CEP44: variants seen among roughly 807,000 people sequenced by gnomAD.
The protein encoded by CEP44 is centrosomal protein of 44 kDa.
In CEP44, 45 loss-of-function variants were observed where a neutral mutation model predicts 46.7. That is an observed-to-expected ratio of 0.96 (90% CI 0.76 to 1.24). The LOEUF is 1.24. CEP44 is among the 50% of genes most tolerant of loss of function. The pLI is 0.00. For synonymous variants in CEP44, 142 were observed against 146.0 expected (o/e 0.97, Z 0.20); for missense variants, 475 against 459.7 (o/e 1.03, Z -0.30).
intron 6 of CEP44, among the ~76,000 whole-genome samples, chr4:174,306,576 A>G (rs1024599826): frequency 1.3e-5 from 2 of 152,098 alleles, no homozygotes; most frequent in Non-Finnish European, 2.9e-5. Context: ...TTTTATCATC[A>G]CACATAAATT....
In CEP44 at chr4:174,329,423, A is replaced by G. The variant is rs1383776743; in HGVS notation, c.1087-2059A>G. ...TTGTTAGCACTTTCCCTCTTAGTACAGTTTTAAGTTGGTTTTACATTGTAA... is the reference window on the plus strand; with the variant it reads ...TTGTTAGCACTTTCCCTCTTAGTACGGTTTTAAGTTGGTTTTACATTGTAA... On this transcript the variant is annotated intron_variant, in intron 8 of 8. Coordinates refer to the CEP44 transcript ENST00000426172. This position sits in a 1 kb window ranked among gnomAD's most constrained non-coding sequence, Gnocchi z 4.0. 6.6e-6 allele frequency among the ~76,000 whole-genome samples: 1 copy of G among 152,148 alleles called. No homozygotes were observed. The highest frequency in any genetic ancestry group is 1.5e-5 in the Non-Finnish European group (1 of 68,022).
In CEP44 at chr4:174,319,410, G is replaced by T. The variant is rs1318408141; in HGVS notation, c.*2027G>T. 1 of 984,088 alleles carries T rather than the reference G, an allele frequency of 1.0e-6. No individual in the cohort carries two copies. The highest frequency in any genetic ancestry group is 1.2e-6 in the Non-Finnish European group (1 of 828,784). 61.0% of individuals were successfully genotyped at this position (984,088 alleles called of 1,614,324 possible). ...TATTTTACCTTTTGTTAAAACAAGT[G>T]ATTTCCCATCAAACAGGATAATATT... is the stretch of plus-strand genomic sequence containing the variant. On this transcript the variant is annotated 3_prime_UTR_variant, in exon 12 of 12. Coordinates refer to ENST00000503780, the MANE Select transcript of CEP44 (RefSeq NM_001040157.3).
At position 174,287,870 on chromosome 4, in the gene CEP44, A is replaced by G. The variant is rs1397717125; in HGVS notation, c.-148+3927A>G. On this transcript the variant is annotated intron_variant, in intron 1 of 11. Coordinates refer to ENST00000503780, the MANE Select transcript of CEP44 (RefSeq NM_001040157.3). This position sits in a 1 kb window ranked among gnomAD's most constrained non-coding sequence, Gnocchi z 5.1. ...GTAGAGCTAGTAATACCAGGTATAG[A>G]CAAGAATGTAGTATTTAAAGCTAAT... is the stretch of plus-strand genomic sequence containing the variant. Among the ~76,000 whole-genome samples, 2 of 152,226 alleles carry G rather than the reference A, an allele frequency of 1.3e-5. No individual in the cohort carries two copies. The highest frequency in any genetic ancestry group is 6.5e-5 in the Admixed American group (1 of 15,288).
intron 8 of CEP44, among the ~76,000 whole-genome samples, chr4:174,328,955 TTTTTC>T (rs1731162659): frequency 6.6e-6 from 1 of 151,984 alleles, no homozygotes; most frequent in Admixed American, 6.6e-5. Context: ...CCTTTTCTTT[TTTTTC>T]TTTTAAGACA....
In CEP44 at chr4:174,317,927, G is replaced by A; in HGVS notation, c.*544G>A. 1.0e-6 allele frequency: 1 copy of A among 985,416 alleles called. No homozygotes were observed. Among genetic ancestry groups the A allele is most frequent in the South Asian group, 4.7e-5 (1 of 21,284 alleles). The allele number at this position is 985,416 out of a possible 1,614,324, so 61.0% of individuals were successfully genotyped here. On this transcript the variant is annotated 3_prime_UTR_variant, in exon 12 of 12. Transcript: ENST00000503780. Reference sequence around the variant, plus strand: ...TCAATACCTTTCCAATTAACACTGAGAAATTAAGGTTAAGATTCTCCTTTT... The same window carrying A: ...TCAATACCTTTCCAATTAACACTGAAAAATTAAGGTTAAGATTCTCCTTTT...
chr4:174,332,378 C>T (rs1337305466), exon 9 of CEP44: 1 of 152,222 alleles, frequency 6.6e-6, no homozygotes, highest in African/African-American at 2.4e-5. Flanking sequence ...CATTCTCTGA[C>T]CATGCAACAC....
At chr4:174,294,596 C>A (rs1738637994) in intron 1 of CEP44, among the ~76,000 whole-genome samples, 1 of 151,936 alleles carries the variant, frequency 6.6e-6, no homozygotes, top group Non-Finnish European at 1.5e-5. Context: ...GGCAGAGGGG[C>A]TCCTCACTTC....
At chr4:174,291,658 C>T (rs918576562) in intron 1 of CEP44, among the ~76,000 whole-genome samples, 1 of 151,658 alleles carries the variant, frequency 6.6e-6, no homozygotes, top group Non-Finnish European at 1.5e-5. Context: ...GGTTTAGTAT[C>T]TTTTCAGTTA....
chr4:174,315,610 G>A (rs948716381), intron 9 of CEP44, among the ~76,000 whole-genome samples: 1 of 151,900 alleles, frequency 6.6e-6, no homozygotes, highest in African/African-American at 2.4e-5. Context: ...ACAAATTCAT[G>A]GATACTAATT....
At chr4:174,300,428 G>T (rs1339472509) in intron 3 of CEP44, among the ~76,000 whole-genome samples, 1 of 152,048 alleles carries the variant, frequency 6.6e-6, no homozygotes, top group Non-Finnish European at 1.5e-5. Context: ...TAACCAGTTT[G>T]AGTAGCCAAG....
intron 6 of CEP44, among the ~76,000 whole-genome samples, chr4:174,306,950 A>G (rs571654528): frequency 2.0e-5 from 3 of 152,184 alleles, no homozygotes; most frequent in Admixed American, 6.6e-5. Flanking sequence ...CCATTGCTCA[A>G]AGAAATCAGA....
In CEP44 at chr4:174,329,582, C is replaced by A. The variant is rs150745594; in HGVS notation, c.1087-1900C>A. 4.3e-3 allele frequency among the ~76,000 whole-genome samples: 658 copies of A among 152,156 alleles called. 4 individuals are homozygous for A. The highest frequency in any genetic ancestry group is 0.015 in the African/African-American group (608 of 41,502). On this transcript the variant is annotated intron_variant, in intron 8 of 8. Coordinates refer to the CEP44 transcript ENST00000426172. This position sits in a 1 kb window ranked among gnomAD's most constrained non-coding sequence, Gnocchi z 4.0. Reference sequence around the variant, plus strand: ...AGGATAATGTTCTCACACTTTATAGCTTGAAGAATGTACTTTACTCATGGG... The same window carrying A: ...AGGATAATGTTCTCACACTTTATAGATTGAAGAATGTACTTTACTCATGGG...
chr4:174,289,837 C>T (rs1426613088), intron 1 of CEP44, among the ~76,000 whole-genome samples: 1 of 142,768 alleles, frequency 7.0e-6, no homozygotes, highest in Non-Finnish European at 1.5e-5. Context: ...TTATTGAGAC[C>T]TTTTTTTTTT....
chr4:174,305,322 C>G (rs1000849380), intron 6 of CEP44, among the ~76,000 whole-genome samples: 2 of 152,068 alleles, frequency 1.3e-5, no homozygotes, highest in African/African-American at 4.8e-5. Context: ...GGCGTGGTAG[C>G]TGGTGCCTGT....
In CEP44 at chr4:174,310,066, T is replaced by G; in HGVS notation, c.885+10T>G. 4 of 1,599,960 alleles carry G rather than the reference T, an allele frequency of 2.5e-6. No homozygotes were observed. The highest frequency in any genetic ancestry group is 3.4e-6 in the Non-Finnish European group (4 of 1,174,642). On this transcript the variant is annotated intron_variant, in intron 8 of 11. Coordinates refer to ENST00000503780, the MANE Select transcript of CEP44 (RefSeq NM_001040157.3). This position sits in a 1 kb window ranked among gnomAD's most constrained non-coding sequence, Gnocchi z 4.2. ...GCTTTTGTCTAAAAAGGTATTTTCC[T>G]CCTTTAACATTTATAAAATATCTCA...
At chr4:174,332,719 T>C (rs1731377169) in exon 9 of CEP44, 1 of 152,148 alleles carries the variant, frequency 6.6e-6, no homozygotes, top group African/African-American at 2.4e-5. Context: ...ACTTACTCAA[T>C]ACATGGGGCT....
chr4:174,305,590 C>G (rs984457943), intron 6 of CEP44, among the ~76,000 whole-genome samples: 2 of 152,180 alleles, frequency 1.3e-5, no homozygotes, highest in African/African-American at 4.8e-5. Flanking sequence ...ACAAAGCCGC[C>G]ATTTTTGAAT....
At chr4:174,294,996 C>G (rs1044065910) in intron 1 of CEP44, among the ~76,000 whole-genome samples, 2 of 138,706 alleles carry the variant, frequency 1.4e-5, no homozygotes, top group Non-Finnish European at 3.1e-5. Flanking sequence ...CCCCCCACCT[C>G]CCTCCCGGAT....
rs1737727632 is a variant in CEP44, at chr4:174,287,752, T to G, written c.-148+3809T>G. Among the ~76,000 whole-genome samples, 1 of 152,204 alleles carries G rather than the reference T, an allele frequency of 6.6e-6. No individual in the cohort carries two copies. Among genetic ancestry groups the G allele is most frequent in the Non-Finnish European group, 1.5e-5 (1 of 68,036 alleles). On this transcript the variant is annotated intron_variant, in intron 1 of 11. Transcript: ENST00000503780. This position sits in a 1 kb window ranked among gnomAD's most constrained non-coding sequence, Gnocchi z 5.1. Reference sequence around the variant, plus strand: ...AAAGGTACAATTTATTATAGGATAATTATAATTATTTCATGCTGACAATAT... The same window carrying G: ...AAAGGTACAATTTATTATAGGATAAGTATAATTATTTCATGCTGACAATAT...
Sources: gnomAD v4.1 joint callset for allele counts (sites outside exome capture counted in the v4.1 genomes callset) on GRCh38, gnomAD v4.1.1 for gene constraint, Gnocchi (gnomAD v3.1) non-coding constraint, MANE v1.5 for transcripts, NCBI Gene and HGNC (gene_info 2026-07-23, HGNC 2026-07-21) for gene names.